Variants in CENPW observed in about 807,000 individuals in gnomAD.
CENPW encodes the protein cancer-up-regulated gene 2 protein.
A neutral mutation model predicts 11.1 loss-of-function variants in CENPW; 3 were observed. That is an observed-to-expected ratio of 0.27 (90% confidence interval 0.12 to 0.70). The LOEUF (loss-of-function observed/expected upper bound fraction) is 0.70, where lower values mean the gene tolerates loss of function less well. Among genes scored for constraint, CENPW ranks in the 30% least tolerant of loss-of-function variants. The pLI, the probability that CENPW is intolerant of heterozygous loss-of-function variation, is 0.77. For synonymous variants in CENPW, 38 were observed against 42.0 expected, an observed-to-expected ratio of 0.91 and a Z score of 0.37; for missense variants, 100 against 105.6, an observed-to-expected ratio of 0.95 and a Z score of 0.23.
At chr6:126,380,428 A>G in the CENPW span, among the ~76,000 whole-genome samples, 1 of 152,194 alleles carries the variant, frequency 6.6e-6, no homozygotes, top group African/African-American at 2.4e-5. Flanking sequence ...AAATTCACCT[A>G]TGACCTTAGT....
chr6:126,400,791 C>A, the CENPW span, among the ~76,000 whole-genome samples: 1 of 151,936 alleles, frequency 6.6e-6, no homozygotes, highest in Non-Finnish European at 1.5e-5. Flanking sequence ...TTTACTGATT[C>A]ATTCCTCACC....
At chr6:126,384,443 A>G in the CENPW span, among the ~76,000 whole-genome samples, 2 of 152,278 alleles carry the variant, frequency 1.3e-5, no homozygotes, top group African/African-American at 4.8e-5. Flanking sequence ...AGACCAGTGG[A>G]ACAGAATAGA....
the CENPW span, among the ~76,000 whole-genome samples, chr6:126,380,651 CAAAAT>C: frequency 6.6e-6 from 1 of 152,060 alleles, no homozygotes; most frequent in Admixed American, 6.5e-5. Flanking sequence ...GCATAGTAGA[CAAAAT>C]AAAAATATTT....
the CENPW span, among the ~76,000 whole-genome samples, chr6:126,377,247 T>C: frequency 5.3e-5 from 8 of 152,156 alleles, no homozygotes; most frequent in Non-Finnish European, 1.0e-4. Flanking sequence ...TAAAAGGATG[T>C]ATTCTTTTAT....
Position 126,348,462 on chromosome 6 carries a change from AC to A in CENPW, c.241-3del. On this transcript the variant is annotated splice_polypyrimidine_tract_variant and splice_region_variant and intron_variant, in intron 2 of 2. Transcript: ENST00000368328. ...TATGAATCTTATTTTTTTCCCTCTT[AC>A]AGGTAATTCTAAAGAAGAGCAGAGG... 7.4e-7 allele frequency: 1 copy of A among 1,357,658 alleles called. No homozygotes were observed. The allele number at this position is 1,357,658 out of a possible 1,614,324, so 84.1% of individuals were successfully genotyped here.
the CENPW span, among the ~76,000 whole-genome samples, chr6:126,408,442 A>G: frequency 6.6e-6 from 1 of 152,144 alleles, no homozygotes; most frequent in Non-Finnish European, 1.5e-5. Context: ...CTATCACGAG[A>G]ACAGCATGGG....
At chr6:126,475,712 A>G in the CENPW span, among the ~76,000 whole-genome samples, 1 of 152,064 alleles carries the variant, frequency 6.6e-6, no homozygotes, top group African/African-American at 2.4e-5. Context: ...TACTCTGCAA[A>G]TACTTTAAAC....
chr6:126,371,326 T>C, the CENPW span, among the ~76,000 whole-genome samples: 4 of 152,302 alleles, frequency 2.6e-5, no homozygotes, highest in Middle Eastern at 6.8e-3. Flanking sequence ...AAATTTTTTT[T>C]CTGCGTCTAT....
At chr6:126,461,610 C>A in the CENPW span, among the ~76,000 whole-genome samples, 1 of 151,796 alleles carries the variant, frequency 6.6e-6, no homozygotes, top group Admixed American at 6.6e-5. Flanking sequence ...TAATTCTTAG[C>A]TAAAAATTTT....
the CENPW span, among the ~76,000 whole-genome samples, chr6:126,479,936 C>G: frequency 6.6e-6 from 1 of 151,808 alleles, no homozygotes; most frequent in African/African-American, 2.4e-5. Context: ...TAACTGCTTA[C>G]ACAACCACTT....
At chr6:126,384,400 A>C in the CENPW span, among the ~76,000 whole-genome samples, 1 of 152,178 alleles carries the variant, frequency 6.6e-6, no homozygotes, top group Non-Finnish European at 1.5e-5. Context: ...CAGTAAACAA[A>C]GCATCATGGT....
chr6:126,374,034 A>AT, the CENPW span, among the ~76,000 whole-genome samples: 2 of 152,172 alleles, frequency 1.3e-5, no homozygotes, highest in Non-Finnish European at 2.9e-5. Context: ...CTCTCCAAAG[A>AT]TTAGCTAAGA....
the CENPW span, among the ~76,000 whole-genome samples, chr6:126,450,006 T>C: frequency 6.6e-6 from 1 of 151,052 alleles, no homozygotes; most frequent in Non-Finnish European, 1.5e-5. Flanking sequence ...GCAATGTCTT[T>C]CAAGTAAAAG....
At chr6:126,426,615 C>G in the CENPW span, among the ~76,000 whole-genome samples, 1 of 151,956 alleles carries the variant, frequency 6.6e-6, no homozygotes, top group Non-Finnish European at 1.5e-5. Flanking sequence ...TACAATGATG[C>G]CAAGATAATT....
chr6:126,416,425 C>T, the CENPW span, among the ~76,000 whole-genome samples: 33 of 152,046 alleles, frequency 2.2e-4, no homozygotes, highest in African/African-American at 4.1e-4. Flanking sequence ...TCAAGCTGGC[C>T]GCAGAAATTT....
At chr6:126,367,714 G>T in the CENPW span, among the ~76,000 whole-genome samples, 19 of 152,202 alleles carry the variant, frequency 1.2e-4, no homozygotes, top group South Asian at 3.9e-3. Flanking sequence ...GTAACTGAGT[G>T]GGTTAAGAGA....
downstream of CENPW, among the ~76,000 whole-genome samples, chr6:126,349,721 T>C (rs1345175166): frequency 2.0e-5 from 3 of 152,200 alleles, no homozygotes; most frequent in African/African-American, 7.2e-5. Flanking sequence ...AGGGGCATTT[T>C]GGTTACTTAC....
the CENPW span, among the ~76,000 whole-genome samples, chr6:126,389,098 G>A: frequency 4.6e-5 from 7 of 151,954 alleles, no homozygotes; most frequent in African/African-American, 1.7e-4. Context: ...GAAACAATCT[G>A]TTTCTTCTAA....
At chr6:126,419,531 A>C in the CENPW span, among the ~76,000 whole-genome samples, 2 of 152,210 alleles carry the variant, frequency 1.3e-5, no homozygotes, top group African/African-American at 4.8e-5. Context: ...TAACAAATAA[A>C]TAAAACAAGA....
Sources: allele counts gnomAD v4.1 joint callset (sites outside exome capture counted in the v4.1 genomes callset), GRCh38; gene constraint gnomAD v4.1.1; transcripts MANE v1.5; gene names NCBI Gene and HGNC (gene_info 2026-07-23, HGNC 2026-07-21).